DBF4B: variants seen among roughly 807,000 people sequenced by gnomAD.
The protein encoded by DBF4B is protein DBF4 homolog B.
Under a neutral mutation model 53.4 loss-of-function variants are expected in DBF4B, and 49 were observed. The observed-to-expected ratio is 0.92, with a 90% CI of 0.73 to 1.16. The LOEUF (loss-of-function observed/expected upper bound fraction) is 1.16, where lower values mean the gene tolerates loss of function less well. DBF4B is among the 50% of genes most tolerant of loss of function. The probability of loss-of-function intolerance (pLI) is 0.00; values close to 1 mark genes in which losing one functional copy is unlikely to be tolerated. For missense variants in DBF4B, 692 were observed against 775.0 expected (o/e 0.89, Z 1.27); for synonymous variants, 257 against 288.7 (o/e 0.89, Z 1.11).
chr17:44,708,801 C>T lies in DBF4B; in HGVS notation c.-20C>T, dbSNP rs1251776192. On this transcript the variant is annotated 5_prime_UTR_variant, in exon 1 of 14. An upstream open reading frame in the 5' UTR gains an earlier in-frame stop. Transcript: ENST00000315005. ...GCCTCTGAGGAAGGAGTACGGAGGC[C>T]GAGAAGGAGCCGGCATTTGATGAGC... The T allele has an allele frequency of 6.4e-7, 1 of 1,550,452 alleles. No homozygotes were observed. Among genetic ancestry groups the T allele is most frequent in the Non-Finnish European group, 8.7e-7 (1 of 1,146,558 alleles).
chr17:44,741,334 A>G lies in DBF4B; in HGVS notation c.714-2A>G. 1 of 1,606,276 alleles carries G rather than the reference A, an allele frequency of 6.2e-7. No homozygotes were observed. Among genetic ancestry groups the G allele is most frequent in the Non-Finnish European group, 8.5e-7 (1 of 1,173,044 alleles). Reference sequence around the variant, plus strand: ...TCAAAGTGGAAGTTTTCTCTGTTGCAGGAAGTTTCGTCCTTTCCATCATCA... The same window carrying G: ...TCAAAGTGGAAGTTTTCTCTGTTGCGGGAAGTTTCGTCCTTTCCATCATCA... On this transcript the variant is annotated splice_acceptor_variant, in intron 9 of 13. Transcript: ENST00000315005. LOFTEE classifies it high-confidence loss of function.
At chr17:44,746,527 A>G (rs1262254131) in intron 10 of DBF4B, among the ~76,000 whole-genome samples, 1 of 152,056 alleles carries the variant, frequency 6.6e-6, no homozygotes, top group African/African-American at 2.4e-5. Context: ...GTTTAAGAGA[A>G]GGACGGAGAT....
Position 44,749,394 on chromosome 17 carries a change from G to A in DBF4B, c.1189+929G>A, listed in dbSNP as rs2049217673. 9.3e-6 allele frequency: 12 copies of A among 1,289,462 alleles called. No individual in the cohort carries two copies. The highest frequency in any genetic ancestry group is 5.5e-5 in the East Asian group (1 of 18,026). The allele number at this position is 1,289,462 out of a possible 1,614,324, so 79.9% of individuals were successfully genotyped here. A position where few individuals can be genotyped will look rare whatever the true frequency, so the allele number is the denominator to read the frequency against. On this transcript the variant is annotated intron_variant, in intron 13 of 13. Transcript: ENST00000315005. This position sits in a 1 kb window ranked among gnomAD's most constrained non-coding sequence, Gnocchi z 4.4. ...CAGATACAACTTACTCCTCTGCTGG[G>A]TGCTGCACACCCGGCCAGGGCTGAC...
At chr17:44,747,009 A>G (rs1340803128) in intron 10 of DBF4B, 74 bp from the exon 11 acceptor site, 5 of 1,399,048 alleles carry the variant, frequency 3.6e-6, no homozygotes, top group Non-Finnish European at 5.1e-6. Flanking sequence ...CCTAGGCTCC[A>G]GGCTCTAAGT....
At position 44,751,582 on chromosome 17, in the gene DBF4B, C is replaced by G; in HGVS notation, c.*329C>G. ...GACTTGCCACCTTTCCCCTCTGCCCCAAAATGCCATGCTCCTCTCCTGGAA... is the reference window on the plus strand; with the variant it reads ...GACTTGCCACCTTTCCCCTCTGCCCGAAAATGCCATGCTCCTCTCCTGGAA... On this transcript the variant is annotated 3_prime_UTR_variant, in exon 14 of 14. Transcript: ENST00000315005. 1 of 1,338,394 alleles carries G rather than the reference C, an allele frequency of 7.5e-7. No individual in the cohort carries two copies. The highest frequency in any genetic ancestry group is 9.6e-7 in the Non-Finnish European group (1 of 1,045,694). 82.9% of individuals were successfully genotyped at this position (1,338,394 alleles called of 1,614,324 possible). A position where few individuals can be genotyped will look rare whatever the true frequency, so the allele number is the denominator to read the frequency against.
At chr17:44,725,704 T>TTTTTTTTTTTTTTTTTTTTTTTTTTA (rs1974268765) in intron 3 of DBF4B, among the ~76,000 whole-genome samples, 1 of 144,128 alleles carries the variant, frequency 6.9e-6, no homozygotes, top group Non-Finnish European at 1.5e-5. Context: ...TTTTTTTTTT[T>TTTTTTTTTTTTTTTTTTTTTTTTTTA]AAGAGGGGGC....
In DBF4B at chr17:44,751,684, G is replaced by A. The variant is rs989004160; in HGVS notation, c.*431G>A. 34 of 1,418,074 alleles carry A rather than the reference G, an allele frequency of 2.4e-5. No homozygotes were observed. The highest frequency in any genetic ancestry group is 2.8e-5 in the Non-Finnish European group (31 of 1,088,768). 87.8% of individuals were successfully genotyped at this position (1,418,074 alleles called of 1,614,324 possible). A position where few individuals can be genotyped will look rare whatever the true frequency, so the allele number is the denominator to read the frequency against. The stretch of plus-strand genomic sequence containing the variant: ...CTTCTGTTCTCTGGCTCCTTCCTGC[G>A]GTCTATACCTACCGCCTCCTCTTCA... On this transcript the variant is annotated 3_prime_UTR_variant, in exon 14 of 14. Transcript: ENST00000315005.
intron 2 of DBF4B, among the ~76,000 whole-genome samples, chr17:44,712,762 A>T (rs1972994326): frequency 6.7e-6 from 1 of 149,596 alleles, no homozygotes; most frequent in South Asian, 2.1e-4. Flanking sequence ...TTTTATAGAG[A>T]TGGGGTCTCA....
Position 44,751,525 on chromosome 17 carries a change from C to A in DBF4B, c.*272C>A. 7.6e-7 allele frequency: 1 copy of A among 1,318,198 alleles called. No homozygotes were observed. The highest frequency in any genetic ancestry group is 9.6e-7 in the Non-Finnish European group (1 of 1,037,120). 81.7% of individuals were successfully genotyped at this position (1,318,198 alleles called of 1,614,324 possible). A position where few individuals can be genotyped will look rare whatever the true frequency, so the allele number is the denominator to read the frequency against. On this transcript the variant is annotated 3_prime_UTR_variant, in exon 14 of 14. Coordinates refer to ENST00000315005, the MANE Select transcript of DBF4B (RefSeq NM_145663.3). Reference sequence around the variant, plus strand: ...GTCTGTCCCTGGCCCTCCAGCCCACCTCGCCAACCACTCTTGTTGGTTTCC... The same window carrying A: ...GTCTGTCCCTGGCCCTCCAGCCCACATCGCCAACCACTCTTGTTGGTTTCC...
intron 1 of DBF4B, 113 bp downstream of exon 1, chr17:44,708,952 C>A: frequency 7.0e-7 from 1 of 1,438,800 alleles, no homozygotes; most frequent in Non-Finnish European, 9.4e-7. Flanking sequence ...GGTGCCGAAG[C>A]TGAGGAGGGT....
rs760478042 is a variant in DBF4B, at chr17:44,734,135, T to C, written c.602T>C (p.Val201Ala). 1.9e-6 allele frequency: 3 copies of C among 1,614,076 alleles called. No individual in the cohort carries two copies. In the Admixed American group the frequency reaches 5.0e-5, roughly 27 times the overall value. ...VQQLSLASLC[V>A]KKQQPKKPEG... ...CAGCTGTCTCTTGCGTCTTTATGTG[T>C]GAAAAAACAACAGCCAAAGAAGCCA... Residue 201 changes from valine to alanine, a missense_variant, in exon 7 of 14, where the codon GTG becomes GCG. Around this residue, in one of 3 missense-constraint regions of DBF4B, gnomAD observed 597 missense variants for 665.8 expected, o/e 0.90. Coordinates refer to ENST00000315005, the MANE Select transcript of DBF4B (RefSeq NM_145663.3).
At chr17:44,739,921 C>T (rs995563864) in intron 9 of DBF4B, among the ~76,000 whole-genome samples, 18 of 152,190 alleles carry the variant, frequency 1.2e-4, no homozygotes, top group Non-Finnish European at 2.5e-4. Flanking sequence ...TTCACCACCA[C>T]GCCCAGCTAA....
chr17:44,740,312 T>TC (rs1975874868), intron 9 of DBF4B, among the ~76,000 whole-genome samples: 1 of 152,148 alleles, frequency 6.6e-6, no homozygotes, highest in African/African-American at 2.4e-5. Context: ...TTGCACTGTT[T>TC]CCCCCAGAAC....
At chr17:44,739,329 C>T (rs1025969670) in intron 9 of DBF4B, among the ~76,000 whole-genome samples, 1 of 152,102 alleles carries the variant, frequency 6.6e-6, no homozygotes, top group African/African-American at 2.4e-5. Context: ...GAAATAAGTC[C>T]ATGTGTATCC....
intron 12 of DBF4B, among the ~76,000 whole-genome samples, chr17:44,747,865 T>C (rs1002672388): frequency 1.3e-5 from 2 of 152,076 alleles, no homozygotes; most frequent in Non-Finnish European, 2.9e-5. Flanking sequence ...TTCCCCTCTG[T>C]AGAAGTCACC....
At chr17:44,730,210 T>A in intron 4 of DBF4B, 114 bp downstream of exon 4, 1 of 1,175,830 alleles carries the variant, frequency 8.5e-7, no homozygotes, top group South Asian at 1.6e-5. Context: ...AATCTCTCAT[T>A]TGAATTCAGG....
intron 8 of DBF4B, 92 bp downstream of exon 8, chr17:44,736,958 T>C: frequency 4.8e-6 from 7 of 1,464,508 alleles, no homozygotes; most frequent in Non-Finnish European, 6.7e-6. Flanking sequence ...CTGCTCACTT[T>C]TCTGTGGCAG....
Position 44,751,159 on chromosome 17 carries a change from A to C in DBF4B, c.1754A>C (p.His585Pro). The change falls in exon 14 of 14, where the codon CAT becomes CCT. Residue 585 changes from histidine (H) to proline (P), a missense_variant. Physicochemically the swap from His to Pro is moderately conservative, Grantham distance 77. Transcript: ENST00000315005. Reference protein sequence around the residue: ...TLAFPSYLNDHDLGHLCQAKP... With the variant: ...TLAFPSYLNDPDLGHLCQAKP... ...GCCTTCCCCTCCTATCTCAATGATCATGACCTTGGACATCTCTGCCAGGCC... is the reference window on the plus strand; with the variant it reads ...GCCTTCCCCTCCTATCTCAATGATCCTGACCTTGGACATCTCTGCCAGGCC... 1 of 1,614,026 alleles carries C rather than the reference A, an allele frequency of 6.2e-7. No individual in the cohort carries two copies. The highest frequency in any genetic ancestry group is 1.7e-5 in the Admixed American group (1 of 60,004).
chr17:44,747,341 C>A (rs752896840), intron 11 of DBF4B, 50 bp from the exon 12 acceptor site: 1 of 1,609,184 alleles, frequency 6.2e-7, no homozygotes, highest in South Asian at 1.1e-5. Flanking sequence ...CCGTGTCCCC[C>A]TCCCCCCAGG....
Sources: gnomAD v4.1 joint callset for allele counts (sites outside exome capture counted in the v4.1 genomes callset) on GRCh38, gnomAD v4.1.1 for gene constraint, gnomAD v4.1.1 regional missense constraint, Gnocchi (gnomAD v3.1) non-coding constraint, MANE v1.5 for transcripts, NCBI Gene and HGNC (gene_info 2026-07-23, HGNC 2026-07-21) for gene names.